SYNE3: variants seen among roughly 807,000 people sequenced by gnomAD.
The protein encoded by SYNE3 is spectrin repeat containing nuclear envelope family member 3, also known as nesprin-3.
In SYNE3, 100 loss-of-function variants were observed where a neutral mutation model predicts 111.2. The observed-to-expected ratio is 0.90, with a 90% CI of 0.77 to 1.06. The LOEUF (loss-of-function observed/expected upper bound fraction) is 1.06. SYNE3 is among the 50% of genes least tolerant of loss of function. The pLI is 0.00. For missense variants in SYNE3, 1,160 were observed against 1,240.3 expected, an observed-to-expected ratio of 0.94 and a Z score of 0.97; for synonymous variants, 547 against 533.9, an observed-to-expected ratio of 1.02 and a Z score of -0.34.
chr14:95,447,624 C>A (rs1886797558), intron 8 of SYNE3, among the ~76,000 whole-genome samples: 2 of 152,208 alleles, frequency 1.3e-5, no homozygotes, highest in African/African-American at 4.8e-5. Flanking sequence ...CTGGCATGAC[C>A]TGCACACCAG....
rs1282880344 is a variant in SYNE3 at position 95,415,348 on chromosome 14, C to T, written c.*2478G>A. The T allele has an allele frequency of 2.9e-5, 4 of 140,302 alleles. No individual in the cohort carries two copies. The highest frequency in any genetic ancestry group is 2.5e-4 in the South Asian group (1 of 4,006). 8.7% of individuals were successfully genotyped at this position (140,302 alleles called of 1,614,324 possible). On this transcript the variant is annotated 3_prime_UTR_variant, in exon 18 of 18. Transcript: ENST00000682763. ...ACATCTGGGCTTGGCTGCCTGGGCT[C>T]ACTCAGCTCCTGATTTTCCAGTAAG...
At chr14:95,435,602 G>T (rs906822892) in intron 15 of SYNE3, among the ~76,000 whole-genome samples, 6 of 151,950 alleles carry the variant, frequency 3.9e-5, no homozygotes, top group Non-Finnish European at 1.5e-5. Flanking sequence ...TAACAAGTTT[G>T]GGAATTAAGA....
chr14:95,463,558 G>A (rs1372754543), intron 4 of SYNE3, among the ~76,000 whole-genome samples: 2 of 152,250 alleles, frequency 1.3e-5, no homozygotes, highest in African/African-American at 4.8e-5. Context: ...AAGAGGCTGT[G>A]GAGCCAGGCA....
intron 4 of SYNE3, among the ~76,000 whole-genome samples, chr14:95,463,191 A>T (rs1451183727): frequency 6.6e-6 from 1 of 151,650 alleles, no homozygotes; most frequent in Non-Finnish European, 1.5e-5. Context: ...CAACTTCTCC[A>T]TCTACTTCAT....
At position 95,470,408 on chromosome 14, in the gene SYNE3, G is replaced by T. The variant is rs1888453148; in HGVS notation, c.145-2441C>A. Among the ~76,000 whole-genome samples the T allele has an allele frequency of 6.6e-6, 1 of 151,986 alleles. No homozygotes were observed. Among genetic ancestry groups the T allele is most frequent in the Admixed American group, 6.6e-5 (1 of 15,252 alleles). On this transcript the variant is annotated intron_variant, in intron 2 of 17. Transcript: ENST00000682763. This position sits in a 1 kb window ranked among gnomAD's most constrained non-coding sequence, Gnocchi z 4.2. ...GCAGTTTGGGAGACCAAGGCAGGAG[G>T]ATCGCTGAGGCCAGGAGTATGCAAC... is the stretch of plus-strand genomic sequence containing the variant.
At chr14:95,474,691 C>A (rs74438988) in intron 2 of SYNE3, among the ~76,000 whole-genome samples, 4,444 of 152,288 alleles carry the variant, frequency 0.029, 68 homozygotes, top group Middle Eastern at 0.075. Context: ...TTAATTCCCA[C>A]GGTCCACTTC....
chr14:95,481,918 G>A (rs111259767), intron 1 of SYNE3, among the ~76,000 whole-genome samples: 1,736 of 152,376 alleles, frequency 0.011, 13 homozygotes, highest in Non-Finnish European at 0.016. Flanking sequence ...CGCCTGCTGG[G>A]TCAGCACGTG....
In SYNE3 at chr14:95,408,288, T is replaced by G. The variant is rs1233009254; in HGVS notation, c.*9538A>C. ...GAAAACGTAATCGTTCCTCCAAAGC[T>G]GGTATTGGAAACTTGCCATTTTCCC... On this transcript the variant is annotated 3_prime_UTR_variant, in exon 18 of 18. Coordinates refer to ENST00000682763, the MANE Select transcript of SYNE3 (RefSeq NM_152592.6). 1.3e-5 allele frequency: 2 copies of G among 151,894 alleles called. No homozygotes were observed. The highest frequency in any genetic ancestry group is 1.5e-5 in the Non-Finnish European group (1 of 67,982). 9.4% of individuals were successfully genotyped at this position (151,894 alleles called of 1,614,324 possible). A position where few individuals can be genotyped will look rare whatever the true frequency, so the allele number is the denominator to read the frequency against.
chr14:95,460,315 G>A (rs8003171), intron 4 of SYNE3, among the ~76,000 whole-genome samples: 96,918 of 149,218 alleles, frequency 0.65, 33,389 homozygotes, highest in African/African-American at 0.9. Context: ...AGCGATTCTC[G>A]TGCCTCAGCC....
chr14:95,446,185 A>G, intron 8 of SYNE3, 94 bp from the exon 9 acceptor site: 4 of 1,448,140 alleles, frequency 2.8e-6, no homozygotes, highest in Non-Finnish European at 3.8e-6. Flanking sequence ...GCAACTGCTT[A>G]GGAAGCTCAC....
At chr14:95,420,145 C>G (rs561739530) in intron 17 of SYNE3, among the ~76,000 whole-genome samples, 2 of 146,836 alleles carry the variant, frequency 1.4e-5, no homozygotes, top group Non-Finnish European at 3.0e-5. Context: ...TGATTATAAC[C>G]ATGAATAAGT....
chr14:95,444,449 T>G, intron 10 of SYNE3, 36 bp downstream of exon 10: 1 of 1,554,094 alleles, frequency 6.4e-7, no homozygotes, highest in Non-Finnish European at 8.7e-7. Context: ...GCTGAGCACC[T>G]GGGCAGGAGT....
chr14:95,463,977 G>T (rs1888007066), intron 4 of SYNE3, among the ~76,000 whole-genome samples: 1 of 152,210 alleles, frequency 6.6e-6, no homozygotes, highest in African/African-American at 2.4e-5. Flanking sequence ...CTGGGTGCAG[G>T]TCAGGTGAGC....
At chr14:95,467,441 C>T (rs73340973) in intron 3 of SYNE3, among the ~76,000 whole-genome samples, 3,358 of 152,220 alleles carry the variant, frequency 0.022, 122 homozygotes, top group African/African-American at 0.071. Flanking sequence ...CCCCCTGTCC[C>T]GGCCAACCAC....
chr14:95,432,149 G>GAA (rs112612004), intron 16 of SYNE3, 32 bp from the exon 17 acceptor site: 14 of 1,599,418 alleles, frequency 8.8e-6, no homozygotes, highest in Admixed American at 6.9e-5. Flanking sequence ...GGAAAAGGGG[G>GAA]GAAAAAAATA....
At chr14:95,480,485 A>G (rs1404385296) in intron 1 of SYNE3, among the ~76,000 whole-genome samples, 1 of 152,214 alleles carries the variant, frequency 6.6e-6, no homozygotes, top group Non-Finnish European at 1.5e-5. Context: ...AACCTGGGTC[A>G]AAAGCTATGG....
chr14:95,436,817 G>A lies in SYNE3; in HGVS notation c.2538+3C>T, dbSNP rs765669538. 3 of 1,613,794 alleles carry A rather than the reference G, an allele frequency of 1.9e-6. No individual in the cohort carries two copies. Among genetic ancestry groups the A allele is most frequent in the African/African-American group, 2.7e-5 (2 of 74,932 alleles). On this transcript the variant is annotated splice_donor_region_variant and intron_variant, in intron 15 of 17. Transcript: ENST00000682763. Reference sequence around the variant, plus strand: ...GATGAGGGACCTTTCCTGGGGAACAGACCTGCAGCTTCGATTTTCTGGTCC... The same window carrying A: ...GATGAGGGACCTTTCCTGGGGAACAAACCTGCAGCTTCGATTTTCTGGTCC...
At chr14:95,423,282 G>A (rs564814097) in intron 17 of SYNE3, among the ~76,000 whole-genome samples, 3 of 152,260 alleles carry the variant, frequency 2.0e-5, no homozygotes, top group South Asian at 2.1e-4. Flanking sequence ...AAGCAAGGAC[G>A]GAGCCTCATC....
In SYNE3 at chr14:95,411,622, G is replaced by C. The variant is rs1569948; in HGVS notation, c.*6204C>G. 0.78 allele frequency: 118,830 copies of C among 152,190 alleles called. 46,594 individuals carry two copies. Among genetic ancestry groups the C allele is most frequent in the African/African-American group, 0.84 (35,045 of 41,498 alleles). The allele number at this position is 152,190 out of a possible 1,614,324, so 9.4% of individuals were successfully genotyped here. ...AGATTGGGGTGAGAATTAGCTGAGT[G>C]CCCATGAGAGAGGGAATTAGGGCAG... is the stretch of plus-strand genomic sequence containing the variant. On this transcript the variant is annotated 3_prime_UTR_variant, in exon 18 of 18. Coordinates refer to ENST00000682763, the MANE Select transcript of SYNE3 (RefSeq NM_152592.6).
Sources: allele counts gnomAD v4.1 joint callset (sites outside exome capture counted in the v4.1 genomes callset), GRCh38; gene constraint gnomAD v4.1.1; non-coding constraint Gnocchi (gnomAD v3.1); transcripts MANE v1.5; gene names NCBI Gene and HGNC (gene_info 2026-07-23, HGNC 2026-07-21).